The following SLC39A11 variants were observed in gnomAD, a reference collection of about 807,000 sequenced individuals.
SLC39A11 encodes the protein solute carrier family 39 member 11, also known as zinc transporter ZIP11.
SLC39A11 carries 33 observed loss-of-function variants against 36.1 expected under a neutral mutation model. The ratio of observed to expected loss-of-function variants is 0.91; its 90% CI spans 0.69 to 1.22. SLC39A11 has a LOEUF of 1.22. Ranked by LOEUF, SLC39A11 falls within the 50% of genes most tolerant of loss-of-function variation. The probability of loss-of-function intolerance (pLI) is 0.00; values close to 1 mark genes in which losing one functional copy is unlikely to be tolerated. For missense variants in SLC39A11, 432 were observed against 430.3 expected (o/e 1.00, Z -0.03); for synonymous variants, 166 against 170.3 (o/e 0.97, Z 0.20).
At chr17:72,883,060 G>A (rs1464533314) in intron 5 of SLC39A11, among the ~76,000 whole-genome samples, 4 of 152,104 alleles carry the variant, frequency 2.6e-5, no homozygotes, top group Non-Finnish European at 4.4e-5. Flanking sequence ...GCCTCCCAAT[G>A]TGGTTGGATT....
At chr17:72,999,944 G>T (rs748464334) in intron 4 of SLC39A11, among the ~76,000 whole-genome samples, 4 of 151,914 alleles carry the variant, frequency 2.6e-5, no homozygotes, top group African/African-American at 7.3e-5. Flanking sequence ...GTTTCGCCAT[G>T]TTACCCTGGC....
At chr17:73,001,105 C>T (rs1368776470) in intron 4 of SLC39A11, among the ~76,000 whole-genome samples, 6 of 152,146 alleles carry the variant, frequency 3.9e-5, no homozygotes, top group Non-Finnish European at 8.8e-5. Context: ...TGAGTTTCAG[C>T]TCTGAAGGGC....
intron 4 of SLC39A11, among the ~76,000 whole-genome samples, chr17:72,992,310 C>G (rs761496797): frequency 6.6e-6 from 1 of 152,160 alleles, no homozygotes; most frequent in Non-Finnish European, 1.5e-5. Flanking sequence ...GCCGAGATCA[C>G]GCCATTGCAC....
intron 5 of SLC39A11, among the ~76,000 whole-genome samples, chr17:72,901,430 A>G (rs1269868310): frequency 2.0e-5 from 3 of 152,218 alleles, no homozygotes; most frequent in Non-Finnish European, 2.9e-5. Flanking sequence ...CTGAGCAAAC[A>G]TATAAAATCA....
At chr17:72,647,966 G>A (rs1228186525) in intron 9 of SLC39A11, among the ~76,000 whole-genome samples, 1 of 152,116 alleles carries the variant, frequency 6.6e-6, no homozygotes, top group East Asian at 1.9e-4. Context: ...GTAATGAAGA[G>A]GGGTGATTAT....
intron 5 of SLC39A11, among the ~76,000 whole-genome samples, chr17:72,850,012 G>A (rs922567855): frequency 4.7e-5 from 7 of 150,104 alleles, no homozygotes; most frequent in Middle Eastern, 3.4e-3. Flanking sequence ...TCCCATCTCA[G>A]CCTCCCAAGT....
At chr17:72,789,866 C>A (rs943512781) in intron 6 of SLC39A11, among the ~76,000 whole-genome samples, 1 of 152,152 alleles carries the variant, frequency 6.6e-6, no homozygotes, top group Non-Finnish European at 1.5e-5. Context: ...AATTCAGGAA[C>A]ATGGCCCAAT....
rs1293837088 is a variant in SLC39A11 at position 73,031,555 on chromosome 17, C to A, written c.306+1G>T. The A allele has an allele frequency of 6.2e-7, 1 of 1,614,086 alleles. No homozygotes were observed. The highest frequency in any genetic ancestry group is 8.5e-7 in the Non-Finnish European group (1 of 1,180,006). ...ACAGCTAAAAGTAGAGTGGTACTCA[C>A]CAAGTGAGGCATCAGGAGGTCAGCC... On this transcript the variant is annotated splice_donor_variant, in intron 4 of 9. Transcript: ENST00000255559. LOFTEE classifies it high-confidence loss of function.
chr17:72,857,096 T>A (rs1364398468), intron 5 of SLC39A11, among the ~76,000 whole-genome samples: 2 of 152,216 alleles, frequency 1.3e-5, no homozygotes, highest in East Asian at 3.8e-4. Context: ...CTAAGCCTAG[T>A]ACCCAATAGT....
intron 7 of SLC39A11, among the ~76,000 whole-genome samples, chr17:72,659,791 G>A (rs1305718633): frequency 6.6e-6 from 1 of 151,912 alleles, no homozygotes; most frequent in Non-Finnish European, 1.5e-5. Flanking sequence ...AGTAGAGACA[G>A]GGTTTGACCA....
Position 72,675,853 on chromosome 17 carries a change from A to AT in SLC39A11, c.672-26586dup, listed in dbSNP as rs968136884. Among the ~76,000 whole-genome samples the AT allele has an allele frequency of 6.4e-4, 97 of 152,216 alleles. 2 individuals carry two copies. Among genetic ancestry groups the AT allele is most frequent in the African/African-American group, 2.3e-3 (94 of 41,544 alleles). ...TACCACCATGCCTGGCTAATTTTGT[A>AT]TTTTTAGTAGAGATGGGGTTTCACC... On this transcript the variant is annotated intron_variant, in intron 7 of 9. Coordinates refer to ENST00000255559, the MANE Select transcript of SLC39A11 (RefSeq NM_139177.4).
chr17:72,813,010 T>G (rs929832576), intron 6 of SLC39A11, among the ~76,000 whole-genome samples: 1 of 152,166 alleles, frequency 6.6e-6, no homozygotes, highest in African/African-American at 2.4e-5. Context: ...TCTTCCAGAA[T>G]TGAAAGTTGA....
At chr17:72,793,999 C>T (rs2076806358) in intron 6 of SLC39A11, among the ~76,000 whole-genome samples, 1 of 152,116 alleles carries the variant, frequency 6.6e-6, no homozygotes, top group Non-Finnish European at 1.5e-5. Context: ...TTGAGGGACC[C>T]ATAGTCCTGC....
chr17:72,779,854 C>A (rs968716652), intron 6 of SLC39A11, among the ~76,000 whole-genome samples: 1 of 152,154 alleles, frequency 6.6e-6, no homozygotes, highest in African/African-American at 2.4e-5. Context: ...CTTATAAGGG[C>A]CCCTTTCTTG....
intron 5 of SLC39A11, among the ~76,000 whole-genome samples, chr17:72,924,072 G>A (rs768493873): frequency 9.9e-5 from 15 of 151,012 alleles, no homozygotes; most frequent in South Asian, 6.3e-4. Context: ...ACTTGAGCCC[G>A]GGCTATCAAG....
chr17:72,981,752 G>A lies in SLC39A11; in HGVS notation c.307-33877C>T, dbSNP rs369633311. ...TACATGGTTGGAAGCACCATAAACAGACTCACAAGTGACCAACTGAGAAAA... is the reference window on the plus strand; with the variant it reads ...TACATGGTTGGAAGCACCATAAACAAACTCACAAGTGACCAACTGAGAAAA... On this transcript the variant is annotated intron_variant, in intron 4 of 9. Transcript: ENST00000255559. Among the ~76,000 whole-genome samples the A allele has an allele frequency of 4.1e-4, 62 of 152,238 alleles. 1 individual carries two copies. Among genetic ancestry groups the A allele is most frequent in the African/African-American group, 1.3e-3 (52 of 41,554 alleles).
chr17:72,746,458 A>T (rs913227071), intron 6 of SLC39A11, among the ~76,000 whole-genome samples: 1 of 68,788 alleles, frequency 1.5e-5, no homozygotes. Flanking sequence ...TCTACAAAAA[A>T]TTAAAAAATT....
chr17:72,861,594 G>A (rs929541046), intron 5 of SLC39A11, among the ~76,000 whole-genome samples: 5 of 141,790 alleles, frequency 3.5e-5, no homozygotes, highest in African/African-American at 8.0e-5. Context: ...CAGACAGACA[G>A]ATGGATAAGA....
At chr17:72,801,787 C>T (rs1302848686) in intron 6 of SLC39A11, among the ~76,000 whole-genome samples, 1 of 152,094 alleles carries the variant, frequency 6.6e-6, no homozygotes, top group Non-Finnish European at 1.5e-5. Context: ...AATATCTGCA[C>T]AACTCTATAA....
Sources: allele counts gnomAD v4.1 joint callset (sites outside exome capture counted in the v4.1 genomes callset), GRCh38; gene constraint gnomAD v4.1.1; transcripts MANE v1.5; gene names NCBI Gene and HGNC (gene_info 2026-07-23, HGNC 2026-07-21).